The following JPH3 variants were observed in gnomAD, a reference collection of about 807,000 sequenced individuals.
JPH3 encodes junctophilin 3.
In JPH3, 11 loss-of-function variants were observed where a neutral mutation model predicts 59.6. The observed-to-expected ratio is 0.18, with a 90% confidence interval of 0.12 to 0.31. JPH3 has a LOEUF of 0.31. JPH3 is among the 10% of genes least tolerant of loss of function. The pLI, the probability that JPH3 is intolerant of heterozygous loss-of-function variation, is 1.00. For synonymous variants in JPH3, 673 were observed against 483.6 expected (o/e 1.39, Z -5.14); for missense variants, 1,202 against 1,105.7 (o/e 1.09, Z -1.24).
chr16:87,654,656 T>C (rs1034260436), intron 2 of JPH3: 4 of 152,262 alleles, frequency 2.6e-5, no homozygotes, highest in African/African-American at 4.8e-5. Flanking sequence ...GCCACCAGAA[T>C]GTCCCCAGAG....
At chr16:87,679,903 A>G (rs1389616024) in intron 2 of JPH3, among the ~76,000 whole-genome samples, 1 of 152,238 alleles carries the variant, frequency 6.6e-6, no homozygotes, top group South Asian at 2.1e-4. Flanking sequence ...TGTGTGGGCC[A>G]GCTTTCAGCA....
intron 2 of JPH3, among the ~76,000 whole-genome samples, chr16:87,657,433 G>C (rs2032540743): frequency 6.6e-6 from 1 of 152,178 alleles, no homozygotes; most frequent in Admixed American, 6.5e-5. Flanking sequence ...TGGGTGTAGG[G>C]TTTCTGTTGA....
chr16:87,690,084 G>A lies in JPH3; in HGVS notation c.1724G>A (p.Arg575Gln), dbSNP rs866437377. Residue 575 changes from arginine to glutamine, a missense_variant, in exon 4 of 5, where the codon CGG becomes CAG. Coordinates refer to ENST00000284262, the MANE Select transcript of JPH3 (RefSeq NM_020655.4). ...GGGAACCCCAAGCCGCGGGAGCGGCGGACGGAGTCACCCCCCGTGTTCACG... is the reference window on the plus strand; with the variant it reads ...GGGAACCCCAAGCCGCGGGAGCGGCAGACGGAGTCACCCCCCGTGTTCACG... ...QPGNPKPRER[R>Q]TESPPVFTWT... is the part of the protein sequence containing the mutation. 7 of 1,575,336 alleles carry A rather than the reference G, an allele frequency of 4.4e-6. No homozygotes were observed. Among genetic ancestry groups the A allele is most frequent in the South Asian group, 3.5e-5 (3 of 86,570 alleles).
intron 1 of JPH3, among the ~76,000 whole-genome samples, chr16:87,639,854 A>G (rs1038927668): frequency 5.9e-5 from 9 of 152,120 alleles, no homozygotes; most frequent in African/African-American, 9.7e-5. Flanking sequence ...CTTCCTTTTT[A>G]AGGCTGAGGA....
intron 1 of JPH3, among the ~76,000 whole-genome samples, chr16:87,642,035 G>T (rs573887769): frequency 1.1e-3 from 164 of 152,278 alleles, no homozygotes; most frequent in Admixed American, 3.5e-3. Flanking sequence ...GGGTGGGAGT[G>T]TGAGAGAGGA....
intron 1 of JPH3, among the ~76,000 whole-genome samples, chr16:87,634,368 G>A (rs2031664190): frequency 6.6e-6 from 1 of 152,184 alleles, no homozygotes; most frequent in South Asian, 2.1e-4. Context: ...GGTGCTGGTC[G>A]ATATGGGCCA....
intron 1 of JPH3, among the ~76,000 whole-genome samples, chr16:87,610,117 G>A (rs1433033589): frequency 6.6e-6 from 1 of 152,194 alleles, no homozygotes; most frequent in Non-Finnish European, 1.5e-5. Flanking sequence ...GCATTCCTAT[G>A]AGAATCTAAT....
In JPH3 at chr16:87,690,277, G is replaced by A. The variant is rs1485612290; in HGVS notation, c.1917G>A (p.Leu639=). 1.9e-6 allele frequency: 3 copies of A among 1,601,402 alleles called. No homozygotes were observed. Among genetic ancestry groups the A allele is most frequent in the Admixed American group, 1.7e-5 (1 of 58,640 alleles). The part of the protein sequence containing the change: ...RYSKGGACRG[L]GDDHRPEDRG... ...GCAAGGGCGGCGCCTGCCGGGGCTT[G>A]GGGGACGACCACCGCCCCGAGGACC... Residue 639 remains leucine (L), a synonymous_variant, in exon 4 of 5, where the codon TTG becomes TTA. Transcript: ENST00000284262.
At chr16:87,655,972 G>T (rs930867628) in intron 2 of JPH3, among the ~76,000 whole-genome samples, 4 of 152,254 alleles carry the variant, frequency 2.6e-5, no homozygotes, top group African/African-American at 9.6e-5. Context: ...TAGATGTCCT[G>T]AGTGGGACTG....
At chr16:87,672,596 C>T (rs371060633) in intron 2 of JPH3, among the ~76,000 whole-genome samples, 5 of 152,326 alleles carry the variant, frequency 3.3e-5, no homozygotes, top group African/African-American at 1.2e-4. Context: ...CCTGGATATT[C>T]GTAATGCTGG....
chr16:87,688,018 C>G (rs990892888), intron 3 of JPH3, among the ~76,000 whole-genome samples: 5 of 152,186 alleles, frequency 3.3e-5, no homozygotes, highest in African/African-American at 1.2e-4. Context: ...ACACAGGACC[C>G]TCACGGGGAG....
chr16:87,617,835 CG>C (rs2031028480), intron 1 of JPH3, among the ~76,000 whole-genome samples: 1 of 151,474 alleles, frequency 6.6e-6, no homozygotes, highest in East Asian at 1.9e-4. Flanking sequence ...GTGGAAGGGG[CG>C]GGGCATCTCC....
At chr16:87,696,218 C>G (rs1343247425) in intron 4 of JPH3, 1 of 438,876 alleles carries the variant, frequency 2.3e-6, no homozygotes, top group Non-Finnish European at 4.4e-6. Flanking sequence ...GAGAAGCCTG[C>G]TGACTGGCAC....
At chr16:87,604,569 G>A in intron 1 of JPH3, 1 of 1,241,646 alleles carries the variant, frequency 8.1e-7, no homozygotes, top group Non-Finnish European at 1.0e-6. Flanking sequence ...GGATGCCTGG[G>A]AAGGGAGTGA....
intron 1 of JPH3, among the ~76,000 whole-genome samples, chr16:87,612,512 A>G (rs1400367425): frequency 6.6e-6 from 1 of 152,156 alleles, no homozygotes; most frequent in East Asian, 1.9e-4. Flanking sequence ...AGGACCACTC[A>G]TCTGGAGCGT....
chr16:87,650,145 G>A (rs897552661), intron 2 of JPH3, among the ~76,000 whole-genome samples: 4 of 152,188 alleles, frequency 2.6e-5, no homozygotes, highest in South Asian at 2.1e-4. Flanking sequence ...TCTTGGTGCC[G>A]TTTTCCCAAC....
chr16:87,660,240 A>G (rs1254917857), intron 2 of JPH3, among the ~76,000 whole-genome samples: 1 of 151,508 alleles, frequency 6.6e-6, no homozygotes, highest in Non-Finnish European at 1.5e-5. Flanking sequence ...TCTGAGAAAG[A>G]CTCTCCCTGG....
At chr16:87,630,818 T>C (rs1279127406) in intron 1 of JPH3, among the ~76,000 whole-genome samples, 1 of 152,172 alleles carries the variant, frequency 6.6e-6, no homozygotes, top group Non-Finnish European at 1.5e-5. Context: ...CTGTAGTAGA[T>C]GGAGATTTTC....
At chr16:87,693,372 T>TAA (rs1384589605) in intron 4 of JPH3, among the ~76,000 whole-genome samples, 3 of 152,180 alleles carry the variant, frequency 2.0e-5, no homozygotes, top group Admixed American at 2.0e-4. Context: ...TGAGCAAACT[T>TAA]TTTCTTTAAA....
Sources: allele counts gnomAD v4.1 joint callset (sites outside exome capture counted in the v4.1 genomes callset), GRCh38; gene constraint gnomAD v4.1.1; transcripts MANE v1.5; gene names NCBI Gene and HGNC (gene_info 2026-07-23, HGNC 2026-07-21).